EFCAB6: variants seen among roughly 807,000 people sequenced by gnomAD.
The protein encoded by EFCAB6 is EF-hand calcium-binding domain-containing protein 6.
EFCAB6 carries 156 observed loss-of-function variants against 169.8 expected under a neutral mutation model. That is an observed-to-expected ratio of 0.92 (90% CI 0.81 to 1.05). The LOEUF is 1.05. Among genes scored for constraint, EFCAB6 ranks in the 50% least tolerant of loss-of-function variants. The pLI is 0.00. For missense variants in EFCAB6, 1,800 were observed against 1,829.1 expected (o/e 0.98, Z 0.29); for synonymous variants, 698 against 676.4 (o/e 1.03, Z -0.50).
At chr22:43,697,614 AAC>A (rs1280282909) in intron 10 of EFCAB6, among the ~76,000 whole-genome samples, 3 of 152,198 alleles carry the variant, frequency 2.0e-5, no homozygotes, top group Non-Finnish European at 4.4e-5. Flanking sequence ...TTTGCTAAAA[AAC>A]ACATGAATAA....
intron 17 of EFCAB6, among the ~76,000 whole-genome samples, chr22:43,639,783 C>T (rs1239571008): frequency 6.6e-6 from 1 of 152,046 alleles, no homozygotes; most frequent in African/African-American, 2.4e-5. Context: ...CTATGTTAGA[C>T]CTTTTGATAT....
At chr22:43,742,636 C>T (rs569290036) in intron 6 of EFCAB6, among the ~76,000 whole-genome samples, 6 of 152,348 alleles carry the variant, frequency 3.9e-5, no homozygotes, top group Admixed American at 1.3e-4. Flanking sequence ...CCCTCTTGCC[C>T]GTCTCCTGGC....
intron 7 of EFCAB6, among the ~76,000 whole-genome samples, chr22:43,733,371 A>G (rs996614089): frequency 1.3e-5 from 2 of 152,222 alleles, no homozygotes; most frequent in African/African-American, 2.4e-5. Flanking sequence ...AAGGCTGCTC[A>G]TAAATGATTT....
Position 43,772,822 on chromosome 22 carries a change from T to G in EFCAB6, c.351+70A>C, listed in dbSNP as rs554007083. 18 of 1,546,222 alleles carry G rather than the reference T, an allele frequency of 1.2e-5. No homozygotes were observed. The African/African-American group carries it at 2.0e-4, about 17-fold the overall frequency. The stretch of plus-strand genomic sequence containing the variant: ...CAGTGGGGACAAAGACAGGAGAGGT[T>G]ACCTGCTCCCCTGATCTACCTCAGC... On this transcript the variant is annotated intron_variant, in intron 4 of 31. Coordinates refer to ENST00000262726, the MANE Select transcript of EFCAB6 (RefSeq NM_022785.4).
At position 43,600,181 on chromosome 22, in the gene EFCAB6, G is replaced by T. The variant is rs549978922; in HGVS notation, c.2764C>A (p.Arg922=). ...TTGAAATAATCCTCTGCACAGGGCCGATGGACAGCAGGCGAATAGTTAATA... is the reference window on the plus strand; with the variant it reads ...TTGAAATAATCCTCTGCACAGGGCCTATGGACAGCAGGCGAATAGTTAATA... ...LGINYSPAVH[R]PCAEDYFNFM... Residue 922 remains arginine, a synonymous_variant, in exon 23 of 32, where the codon CGG becomes AGG. Coordinates refer to ENST00000262726, the MANE Select transcript of EFCAB6 (RefSeq NM_022785.4). 1.9e-5 allele frequency: 30 copies of T among 1,614,130 alleles called. 2 individuals carry two copies. The South Asian group carries it at 3.3e-4, about 18-fold the overall frequency.
At chr22:43,543,398 G>C (rs2047860656) in intron 27 of EFCAB6, among the ~76,000 whole-genome samples, 4 of 152,138 alleles carry the variant, frequency 2.6e-5, no homozygotes, top group Admixed American at 2.6e-4. Context: ...CTGCAAGCCC[G>C]AGGTGAGAGA....
chr22:43,703,449 G>A (rs975127124), intron 10 of EFCAB6, among the ~76,000 whole-genome samples: 3 of 152,218 alleles, frequency 2.0e-5, no homozygotes, highest in Non-Finnish European at 4.4e-5. Flanking sequence ...AAGGGTAACA[G>A]ACTCAAAAAA....
intron 17 of EFCAB6, among the ~76,000 whole-genome samples, chr22:43,660,844 C>A (rs939054812): frequency 6.6e-6 from 1 of 152,172 alleles, no homozygotes; most frequent in African/African-American, 2.4e-5. Context: ...TGATGACATG[C>A]TGCACTGGCC....
intron 2 of EFCAB6, among the ~76,000 whole-genome samples, chr22:43,799,164 A>C (rs1051804736): frequency 5.8e-5 from 7 of 121,244 alleles, no homozygotes; most frequent in African/African-American, 1.7e-4. Flanking sequence ...TCGTCTTTAC[A>C]AAAAAAAAAA....
chr22:43,753,175 CCCT>C (rs2060832583), intron 6 of EFCAB6, among the ~76,000 whole-genome samples: 1 of 152,184 alleles, frequency 6.6e-6, no homozygotes, highest in South Asian at 2.1e-4. Flanking sequence ...CTCCATAAAT[CCCT>C]CTGGCTCCTA....
At chr22:43,669,407 T>C (rs374845733) in intron 15 of EFCAB6, among the ~76,000 whole-genome samples, 4 of 152,336 alleles carry the variant, frequency 2.6e-5, no homozygotes, top group South Asian at 4.1e-4. Flanking sequence ...ACTGTTGGTA[T>C]ATATAAAACA....
chr22:43,631,801 C>T (rs189552711), intron 19 of EFCAB6, among the ~76,000 whole-genome samples: 6 of 152,086 alleles, frequency 3.9e-5, no homozygotes, highest in Non-Finnish European at 7.4e-5. Context: ...AATGGATGAA[C>T]GCGTTTCAAA....
chr22:43,618,618 T>C (rs1316246979), intron 20 of EFCAB6, among the ~76,000 whole-genome samples: 1 of 152,122 alleles, frequency 6.6e-6, no homozygotes, highest in Non-Finnish European at 1.5e-5. Flanking sequence ...TCAAGAGCAG[T>C]CCTAATTCTG....
At chr22:43,645,236 G>C (rs1338182907) in intron 17 of EFCAB6, among the ~76,000 whole-genome samples, 2 of 152,092 alleles carry the variant, frequency 1.3e-5, no homozygotes, top group African/African-American at 4.8e-5. Flanking sequence ...TTGTAGTTCT[G>C]GTATTCACTT....
intron 22 of EFCAB6, among the ~76,000 whole-genome samples, chr22:43,605,811 A>C (rs2052880364): frequency 6.6e-6 from 1 of 152,234 alleles, no homozygotes; most frequent in South Asian, 2.1e-4. Context: ...AGTGGAGAAC[A>C]AAAACAATAG....
At chr22:43,600,726 C>A (rs79446641) in intron 22 of EFCAB6, among the ~76,000 whole-genome samples, 1 of 151,972 alleles carries the variant, frequency 6.6e-6, no homozygotes, top group African/African-American at 2.4e-5. Context: ...TACAGTGGTG[C>A]GAGCTGGGCT....
intron 10 of EFCAB6, among the ~76,000 whole-genome samples, chr22:43,699,046 A>G (rs1046401412): frequency 6.6e-6 from 1 of 151,798 alleles, no homozygotes; most frequent in Admixed American, 6.6e-5. Context: ...TCCTCTTTTG[A>G]GAACACAAGG....
At chr22:43,745,527 G>A (rs2060528953) in intron 6 of EFCAB6, among the ~76,000 whole-genome samples, 1 of 152,194 alleles carries the variant, frequency 6.6e-6, no homozygotes, top group Non-Finnish European at 1.5e-5. Flanking sequence ...CCACCCGCCT[G>A]CCTGTAGACT....
intron 8 of EFCAB6, among the ~76,000 whole-genome samples, chr22:43,724,671 A>C (rs1256518081): frequency 6.6e-6 from 1 of 151,978 alleles, no homozygotes; most frequent in Admixed American, 6.5e-5. Flanking sequence ...TGCCCTGCCT[A>C]CCATCCATAT....
Sources: allele counts gnomAD v4.1 joint callset (sites outside exome capture counted in the v4.1 genomes callset), GRCh38; gene constraint gnomAD v4.1.1; transcripts MANE v1.5; gene names NCBI Gene and HGNC (gene_info 2026-07-23, HGNC 2026-07-21).